THRB: variants seen among roughly 807,000 people sequenced by gnomAD.
The protein encoded by THRB is thyroid hormone receptor beta, also known as nuclear receptor subfamily 1 group A member 2.
A neutral mutation model predicts 47.8 loss-of-function variants in THRB; 12 were observed. That is an observed-to-expected ratio of 0.25 (90% CI 0.16 to 0.41). THRB has a LOEUF of 0.41. Ranked by LOEUF, THRB falls within the 10% of genes least tolerant of loss-of-function variation. The pLI, the probability that THRB is intolerant of heterozygous loss-of-function variation, is 1.00. For synonymous variants in THRB, 218 were observed against 212.2 expected (o/e 1.03, Z -0.24); for missense variants, 348 against 589.2 (o/e 0.59, Z 4.24).
chr3:24,201,270 G>A (rs575673522), intron 4 of THRB, among the ~76,000 whole-genome samples: 1 of 152,260 alleles, frequency 6.6e-6, no homozygotes, highest in African/African-American at 2.4e-5. Context: ...GGGTCTGGCA[G>A]TGAGTTCCTG....
intron 1 of THRB, among the ~76,000 whole-genome samples, chr3:24,410,217 T>C (rs1162393646): frequency 6.6e-6 from 1 of 151,680 alleles, no homozygotes; most frequent in African/African-American, 2.4e-5. Flanking sequence ...ACTGGGAAAA[T>C]GTGGCTTGGG....
chr3:24,256,501 T>A (rs1045155141), intron 3 of THRB, among the ~76,000 whole-genome samples: 2 of 152,068 alleles, frequency 1.3e-5, no homozygotes, highest in African/African-American at 2.4e-5. Context: ...GATGTGGACA[T>A]GTTTAGAAGG....
intron 4 of THRB, among the ~76,000 whole-genome samples, chr3:24,226,117 T>C (rs988662509): frequency 6.6e-6 from 1 of 152,196 alleles, no homozygotes; most frequent in Non-Finnish European, 1.5e-5. Flanking sequence ...TTGAGGAAAA[T>C]AGATTCCATA....
chr3:24,203,830 C>T (rs376681394), intron 4 of THRB, among the ~76,000 whole-genome samples: 2 of 152,352 alleles, frequency 1.3e-5, no homozygotes, highest in African/African-American at 4.8e-5. Flanking sequence ...TTTCCAATGG[C>T]CTTAGCAAAC....
At chr3:24,283,831 T>C (rs1218834101) in intron 3 of THRB, among the ~76,000 whole-genome samples, 4 of 152,084 alleles carry the variant, frequency 2.6e-5, no homozygotes, top group South Asian at 4.2e-4. Context: ...CCATTCACAA[T>C]TGCTACAAAG....
intron 1 of THRB, among the ~76,000 whole-genome samples, chr3:24,472,170 T>G (rs181583402): frequency 9.8e-5 from 15 of 152,310 alleles, no homozygotes; most frequent in Admixed American, 7.2e-4. Context: ...GGGACACCCA[T>G]ATTTATAGTC....
Position 24,362,257 on chromosome 3 carries a change from C to A in THRB, c.-260-24886G>T, listed in dbSNP as rs143723685. ...CTGTATGTCTACCAACTATCCACCC[C>A]CTTCCCTACTCATTATCTCTCTGAC... On this transcript the variant is annotated intron_variant, in intron 1 of 10. Transcript: ENST00000646209. 3.1e-3 allele frequency among the ~76,000 whole-genome samples: 473 copies of A among 152,160 alleles called. 4 individuals are homozygous for A. Among genetic ancestry groups the A allele is most frequent in the African/African-American group, 0.011 (465 of 41,516 alleles).
At chr3:24,140,850 A>T (rs768386521) in intron 8 of THRB, among the ~76,000 whole-genome samples, 67 of 152,224 alleles carry the variant, frequency 4.4e-4, no homozygotes, top group Middle Eastern at 3.2e-3. Flanking sequence ...AAAAGCTGCC[A>T]CAAGTTTCCA....
At chr3:24,289,203 A>G (rs1325110983) in intron 3 of THRB, among the ~76,000 whole-genome samples, 1 of 152,196 alleles carries the variant, frequency 6.6e-6, no homozygotes, top group Non-Finnish European at 1.5e-5. Context: ...GGAATTTTTA[A>G]AGAAATGAAA....
chr3:24,328,831 G>T (rs1481347488), intron 2 of THRB, among the ~76,000 whole-genome samples: 2 of 152,084 alleles, frequency 1.3e-5, no homozygotes, highest in African/African-American at 4.8e-5. Flanking sequence ...CAATTACTTT[G>T]TTTACAATTT....
chr3:24,421,994 A>T (rs2069308469), intron 1 of THRB, among the ~76,000 whole-genome samples: 1 of 151,960 alleles, frequency 6.6e-6, no homozygotes, highest in Admixed American at 6.6e-5. Flanking sequence ...CCCATCAACA[A>T]GAATGTGGTT....
chr3:24,322,985 T>C (rs1473825972), intron 2 of THRB, among the ~76,000 whole-genome samples: 1 of 152,178 alleles, frequency 6.6e-6, no homozygotes, highest in Non-Finnish European at 1.5e-5. Context: ...AATTTGGCCA[T>C]AAGAGCATTT....
intron 2 of THRB, among the ~76,000 whole-genome samples, chr3:24,306,735 A>T (rs2057366606): frequency 1.3e-5 from 2 of 152,192 alleles, no homozygotes. Context: ...TTGAATTGGC[A>T]CATTACTGTA....
chr3:24,345,554 A>G (rs1302272150), intron 1 of THRB, among the ~76,000 whole-genome samples: 2 of 152,172 alleles, frequency 1.3e-5, no homozygotes, highest in Non-Finnish European at 2.9e-5. Flanking sequence ...CAATAACAAT[A>G]CTTAATTTAT....
intron 4 of THRB, among the ~76,000 whole-genome samples, chr3:24,191,184 G>A (rs1365273738): frequency 6.6e-6 from 1 of 151,680 alleles, no homozygotes; most frequent in East Asian, 1.9e-4. Flanking sequence ...ACCTTCCCTG[G>A]TGGCAAATTT....
chr3:24,269,398 C>T (rs1430061454), intron 3 of THRB, among the ~76,000 whole-genome samples: 4 of 73,530 alleles, frequency 5.4e-5, no homozygotes, highest in African/African-American at 1.1e-4. Context: ...CGCGCGCGCG[C>T]GCGCGCACAC....
At chr3:24,173,143 G>C (rs962589544) in intron 5 of THRB, among the ~76,000 whole-genome samples, 3 of 152,212 alleles carry the variant, frequency 2.0e-5, no homozygotes, top group Middle Eastern at 3.4e-3. Flanking sequence ...GTAAACTCTG[G>C]GGGGTGGGGA....
chr3:24,279,211 C>T (rs2054260593), intron 3 of THRB, among the ~76,000 whole-genome samples: 1 of 152,218 alleles, frequency 6.6e-6, no homozygotes, highest in Non-Finnish European at 1.5e-5. Context: ...AAATGGAGAA[C>T]TGGAACTATT....
At chr3:24,495,112 G>A (rs1037736752), upstream of THRB, 6 of 152,296 alleles carry the variant, frequency 3.9e-5, no homozygotes, top group African/African-American at 9.7e-5. Context: ...GCCCCGGCCC[G>A]CTTCCCGGGC....
Sources: allele counts gnomAD v4.1 joint callset (sites outside exome capture counted in the v4.1 genomes callset), GRCh38; gene constraint gnomAD v4.1.1; transcripts MANE v1.5; gene names NCBI Gene and HGNC (gene_info 2026-07-23, HGNC 2026-07-21).